Variants in TLE4 observed in about 807,000 individuals in gnomAD.
TLE4 encodes TLE family member 4, transcriptional corepressor, also known as transducin-like enhancer protein 4.
Under a neutral mutation model 92.8 loss-of-function variants are expected in TLE4, and 8 were observed. That is an observed-to-expected ratio of 0.09 (90% CI 0.05 to 0.16). TLE4 has a LOEUF of 0.16. Among genes scored for constraint, TLE4 ranks in the 10% least tolerant of loss-of-function variants. TLE4 has a pLI of 1.00. For missense variants in TLE4, 675 were observed against 997.6 expected (o/e 0.68, Z 4.36); for synonymous variants, 371 against 374.1 (o/e 0.99, Z 0.10).
chr9:79,721,892 T>C lies in TLE4; in HGVS notation c.1986+4T>C, dbSNP rs2075694045. The C allele has an allele frequency of 6.2e-7, 1 of 1,609,902 alleles. No homozygotes were observed. Among genetic ancestry groups the C allele is most frequent in the Non-Finnish European group, 8.5e-7 (1 of 1,178,158 alleles). ...GCAGCACGACTTCACCTCCCAGGTA[T>C]GATCCGTGGCTGAGGCATTTTAAAG... is the stretch of plus-strand genomic sequence containing the variant. On this transcript the variant is annotated splice_donor_region_variant and intron_variant, in intron 17 of 19. Transcript: ENST00000376552.
chr9:79,652,984 AACATACTCCCTAG>A, intron 7 of TLE4, 190 bp downstream of exon 7: 2 of 744,142 alleles, frequency 2.7e-6, no homozygotes, highest in Non-Finnish European at 4.8e-6. Flanking sequence ...GGCAAGAGCT[AACATACTCCCTAG>A]AGGCAGAGGG....
intron 6 of TLE4, among the ~76,000 whole-genome samples, chr9:79,644,933 G>C (rs1480200656): frequency 6.6e-6 from 1 of 152,186 alleles, no homozygotes; most frequent in Non-Finnish European, 1.5e-5. Flanking sequence ...AGCCAGCCTT[G>C]AACTTAGGAG....
intron 8 of TLE4, among the ~76,000 whole-genome samples, chr9:79,670,147 A>C (rs1024028887): frequency 6.6e-6 from 1 of 151,954 alleles, no homozygotes; most frequent in African/African-American, 2.4e-5. Flanking sequence ...GAAAAGACTC[A>C]CCTTAGAGGG....
intron 5 of TLE4, among the ~76,000 whole-genome samples, chr9:79,617,878 G>A (rs773203228): frequency 6.6e-6 from 1 of 151,682 alleles, no homozygotes; most frequent in African/African-American, 2.4e-5. Context: ...AATAGTAACA[G>A]TTGACAGCGA....
At chr9:79,650,982 C>T (rs2058857167) in intron 6 of TLE4, among the ~76,000 whole-genome samples, 1 of 149,916 alleles carries the variant, frequency 6.7e-6, no homozygotes, top group Non-Finnish European at 1.5e-5. Context: ...CTTTTTTTCT[C>T]TGAGGTATTA....
At chr9:79,598,992 TC>T (rs1445658894) in intron 4 of TLE4, among the ~76,000 whole-genome samples, 1 of 152,152 alleles carries the variant, frequency 6.6e-6, no homozygotes, top group African/African-American at 2.4e-5. Flanking sequence ...TTCATTTTGT[TC>T]CTATTCTGAA....
rs1170642342 is a variant in TLE4, at chr9:79,592,275, CTTTTTTT to C, written c.252+16109_252+16115del. ...TTCTTTCTTCTTTCTTCTTCTTCTT[CTTTTTTT>C]TTTTTTTTTTGGAGGCAGGGTCTCA... On this transcript the variant is annotated intron_variant, in intron 4 of 19. Transcript: ENST00000376552. 5.0e-4 allele frequency among the ~76,000 whole-genome samples: 53 copies of C among 106,934 alleles called. 1 individual carries two copies. The highest frequency in any genetic ancestry group is 1.7e-3 in the African/African-American group (49 of 29,100). 70.2% of individuals were successfully genotyped at this position (106,934 alleles called of 152,430 possible).
At chr9:79,679,918 G>A (rs2064130755) in intron 8 of TLE4, among the ~76,000 whole-genome samples, 1 of 152,094 alleles carries the variant, frequency 6.6e-6, no homozygotes, top group African/African-American at 2.4e-5. Flanking sequence ...TCAAAGATCA[G>A]ATAGATGTAG....
chr9:79,630,545 G>A (rs2053890172), intron 6 of TLE4, among the ~76,000 whole-genome samples: 1 of 152,124 alleles, frequency 6.6e-6, no homozygotes, highest in African/African-American at 2.4e-5. Context: ...AGTTCCCTCA[G>A]TTGGGCTAGG....
rs185152477 is a variant in TLE4, at chr9:79,698,928, T to A, written c.610-5855T>A. Reference sequence around the variant, plus strand: ...TTTCCCTGTAAATGAGATAATAATATGTTAAAATGTTTTATCAGTTATAAA... The same window carrying A: ...TTTCCCTGTAAATGAGATAATAATAAGTTAAAATGTTTTATCAGTTATAAA... On this transcript the variant is annotated intron_variant, in intron 8 of 19. Coordinates refer to ENST00000376552, the MANE Select transcript of TLE4 (RefSeq NM_007005.6). Among the ~76,000 whole-genome samples the A allele has an allele frequency of 3.5e-4, 53 of 150,932 alleles. 2 individuals carry two copies. Among genetic ancestry groups the A allele is most frequent in the East Asian group, 3.3e-3 (17 of 5,158 alleles).
chr9:79,597,522 A>C (rs774455250), intron 4 of TLE4, among the ~76,000 whole-genome samples: 38 of 151,970 alleles, frequency 2.5e-4, no homozygotes, highest in Non-Finnish European at 4.9e-4. Flanking sequence ...GTATGTCCTC[A>C]TTTGCCTTGA....
At chr9:79,696,879 T>C (rs1488534331) in intron 8 of TLE4, among the ~76,000 whole-genome samples, 2 of 152,156 alleles carry the variant, frequency 1.3e-5, no homozygotes, top group African/African-American at 4.8e-5. Context: ...ATAAAGCCAG[T>C]GCACCTTCCG....
intron 9 of TLE4, 101 bp from the exon 10 acceptor site, chr9:79,705,788 C>T: frequency 8.6e-7 from 1 of 1,164,628 alleles, no homozygotes. Context: ...TTTGGTACAG[C>T]TCATCTTTAT....
chr9:79,642,030 CTT>C (rs1191090454), intron 6 of TLE4, among the ~76,000 whole-genome samples: 2 of 150,496 alleles, frequency 1.3e-5, no homozygotes, highest in Non-Finnish European at 3.0e-5. Context: ...GTTTGGTAAA[CTT>C]TGTTAATTTA....
intron 2 of TLE4, 41 bp from the exon 3 acceptor site, chr9:79,574,832 G>T (rs779794270): frequency 6.4e-7 from 1 of 1,554,466 alleles, no homozygotes; most frequent in Non-Finnish European, 8.9e-7. Flanking sequence ...AAGGATGTAA[G>T]TTAAGATCAT....
intron 8 of TLE4, among the ~76,000 whole-genome samples, chr9:79,685,042 C>T (rs1261129450): frequency 6.6e-6 from 1 of 152,174 alleles, no homozygotes; most frequent in Non-Finnish European, 1.5e-5. Flanking sequence ...CAGTGCTTCC[C>T]TTCTCATTTC....
At chr9:79,597,452 T>C (rs2044308504) in intron 4 of TLE4, among the ~76,000 whole-genome samples, 1 of 152,192 alleles carries the variant, frequency 6.6e-6, no homozygotes, top group Non-Finnish European at 1.5e-5. Context: ...TTATTCACTC[T>C]GAGTAGATGA....
intron 17 of TLE4, 89 bp from the exon 18 acceptor site, chr9:79,722,362 A>C (rs541636218): frequency 7.1e-7 from 1 of 1,402,018 alleles, no homozygotes. Context: ...TTCATAATTT[A>C]AGTAGTATCT....
intron 4 of TLE4, chr9:79,601,269 A>G (rs2045584998): frequency 2.5e-6 from 1 of 404,448 alleles, no homozygotes; most frequent in African/African-American, 2.1e-5. Flanking sequence ...AAATGCCAGA[A>G]AAGATGTGTG....
Sources: gnomAD v4.1 joint callset for allele counts (sites outside exome capture counted in the v4.1 genomes callset) on GRCh38, gnomAD v4.1.1 for gene constraint, MANE v1.5 for transcripts, NCBI Gene and HGNC (gene_info 2026-07-23, HGNC 2026-07-21) for gene names.